Variants in PPFIA3 observed in about 807,000 individuals in gnomAD.
PPFIA3 encodes PPFI scaffold protein A3.
A neutral mutation model predicts 145.8 loss-of-function variants in PPFIA3; 26 were observed. That is an observed-to-expected ratio of 0.18 (90% CI 0.13 to 0.25). The LOEUF (loss-of-function observed/expected upper bound fraction) is 0.25, where lower values mean the gene tolerates loss of function less well. Ranked by LOEUF, PPFIA3 falls within the 10% of genes least tolerant of loss-of-function variation. PPFIA3 has a pLI of 1.00. For synonymous variants in PPFIA3, 645 were observed against 661.4 expected (o/e 0.98, Z 0.38); for missense variants, 1,008 against 1,587.8 (o/e 0.63, Z 6.21).
At chr19:49,125,388 T>G (rs553869690) in intron 1 of PPFIA3, 2 of 152,372 alleles carry the variant, frequency 1.3e-5, no homozygotes, top group Non-Finnish European at 2.9e-5. Flanking sequence ...AAGAAGGAAC[T>G]GAGTGAAAGT....
In PPFIA3 at chr19:49,130,557, G is replaced by A. The variant is rs1440915331; in HGVS notation, c.837G>A (p.Lys279=). The change falls in exon 7 of 30, where the codon AAG becomes AAA. Residue 279 remains lysine (K), a synonymous_variant. Coordinates refer to ENST00000334186, the MANE Select transcript of PPFIA3 (RefSeq NM_003660.4). The surrounding 1 kb of genome is among the most constrained non-coding windows in gnomAD (Gnocchi z 4.5). The stretch of plus-strand genomic sequence containing the variant: ...GCACCGCGCACCGTGAGCTGGGCAA[G>A]GCAGAGGAAGCCAACTCCAAGCTGC... The part of the protein sequence containing the change: ...ELGTAHRELG[K]AEEANSKLQR... 3 of 1,568,890 alleles carry A rather than the reference G, an allele frequency of 1.9e-6. No individual in the cohort carries two copies. In the East Asian group the frequency reaches 7.0e-5, roughly 37 times the overall value.
rs1341891004 is a variant in PPFIA3, at chr19:49,128,770, C to T, written c.343-78C>T. 5 of 1,363,648 alleles carry T rather than the reference C, an allele frequency of 3.7e-6. No individual in the cohort carries two copies. The Admixed American group carries it at 1.1e-4, about 30-fold the overall frequency. The allele number at this position is 1,363,648 out of a possible 1,614,324, so 84.5% of individuals were successfully genotyped here. A position where few individuals can be genotyped will look rare whatever the true frequency, so the allele number is the denominator to read the frequency against. The stretch of plus-strand genomic sequence containing the variant: ...TCCATCTTTTCCTCCATGTGTCCGC[C>T]CTACCTGTCACCCTTTTTCTCACAT... On this transcript the variant is annotated intron_variant, in intron 3 of 29. Coordinates refer to ENST00000334186, the MANE Select transcript of PPFIA3 (RefSeq NM_003660.4). This position sits in a 1 kb window ranked among gnomAD's most constrained non-coding sequence, Gnocchi z 4.1.
chr19:49,139,704 G>A lies in PPFIA3; in HGVS notation c.2113G>A (p.Gly705Arg). Residue 705 changes from glycine (G) to arginine (R), a missense_variant, in exon 17 of 30, where the codon GGG becomes AGG. Around this residue, in one of 11 missense-constraint regions of PPFIA3, gnomAD observed 202 missense variants for 241.8 expected, o/e 0.84. Coordinates refer to ENST00000334186, the MANE Select transcript of PPFIA3 (RefSeq NM_003660.4). ...VPKEEAGAPR[G>R]EGPAIPGDTP... is the part of the protein sequence containing the mutation. Reference sequence around the variant, plus strand: ...TAAGGAGGAAGCTGGAGCTCCACGAGGGGAGGGGCCGGCCATCCCAGGAGA... The same window carrying A: ...TAAGGAGGAAGCTGGAGCTCCACGAAGGGAGGGGCCGGCCATCCCAGGAGA... The A allele has an allele frequency of 1.9e-6, 3 of 1,611,322 alleles. No individual in the cohort carries two copies. The highest frequency in any genetic ancestry group is 2.7e-5 in the African/African-American group (2 of 74,904).
rs776183685 is a variant in PPFIA3 at position 49,136,754 on chromosome 19, A to G, written c.1696A>G (p.Ile566Val). Residue 566 changes from isoleucine to valine, a missense_variant, in exon 15 of 30, where the codon ATA (isoleucine) becomes GTA (valine). Physicochemically the swap from Ile to Val is conservative, Grantham distance 29 (BLOSUM62 3). Around this residue, in one of 11 missense-constraint regions of PPFIA3, gnomAD observed 121 missense variants for 138.2 expected, o/e 0.88. Coordinates refer to ENST00000334186, the MANE Select transcript of PPFIA3 (RefSeq NM_003660.4). ...GGAGCGGTCTGCCCCTGCGGGCTCC[A>G]TACCACCCCCATTCCCTGGGGAACT... ...DWERSAPAGS[I>V]PPPFPGELDG... 1.3e-6 allele frequency: 2 copies of G among 1,571,854 alleles called. No individual in the cohort carries two copies. The highest frequency in any genetic ancestry group is 4.6e-5 in the East Asian group (2 of 43,786).
intron 13 of PPFIA3, 60 bp from the exon 14 acceptor site, chr19:49,135,719 C>A (rs1178218126): frequency 3.3e-6 from 5 of 1,526,618 alleles, no homozygotes; most frequent in Middle Eastern, 1.7e-4. Context: ...CTCTGTGACC[C>A]TTACCTCTGT....
At chr19:49,129,595 TG>T in intron 5 of PPFIA3, 141 bp downstream of exon 5, 1 of 898,294 alleles carries the variant, frequency 1.1e-6, no homozygotes, top group Non-Finnish European at 1.7e-6. Flanking sequence ...GGTTGGACTA[TG>T]GAGAGAAACC....
rs1422504678 is a variant in PPFIA3 at position 49,128,408 on chromosome 19, G to A, written c.282G>A (p.Glu94=). Residue 94 remains glutamate, a synonymous_variant, in exon 3 of 30, where the codon GAG becomes GAA. Transcript: ENST00000334186. This position sits in a 1 kb window ranked among gnomAD's most constrained non-coding sequence, Gnocchi z 4.1. The part of the protein sequence containing the change: ...ALTKELNLCR[E]QLLEREEEIA... ...CGAAGGAGCTGAACTTATGTCGGGA[G>A]CAGCTGCTGGAGAGGGAGGAAGAGA... 3 of 1,613,604 alleles carry A rather than the reference G, an allele frequency of 1.9e-6. No individual in the cohort carries two copies. The highest frequency in any genetic ancestry group is 2.5e-6 in the Non-Finnish European group (3 of 1,179,860).
chr19:49,143,435 C>T (rs1480679292), intron 21 of PPFIA3, among the ~76,000 whole-genome samples: 3 of 152,124 alleles, frequency 2.0e-5, no homozygotes, highest in African/African-American at 4.8e-5. Flanking sequence ...TGCAATGGCG[C>T]TATCTCCGCT....
chr19:49,149,695 C>T lies in PPFIA3; in HGVS notation c.3503C>T (p.Pro1168Leu), dbSNP rs2041322879. The change falls in exon 28 of 30, where the codon CCT becomes CTT. Residue 1168 changes from proline (P) to leucine (L), a missense_variant. Coordinates refer to ENST00000334186, the MANE Select transcript of PPFIA3 (RefSeq NM_003660.4). This position sits in a 1 kb window ranked among gnomAD's most constrained non-coding sequence, Gnocchi z 5.7. ...GGAGCCCTGGGCTCTCCGGGGCTCC[C>T]TCTCCGCAAGCTGCAGCCAGAAGGT... ...AAGALGSPGL[P>L]LRKLQPEGQT... 1 of 1,612,096 alleles carries T rather than the reference C, an allele frequency of 6.2e-7. No homozygotes were observed. The highest frequency in any genetic ancestry group is 8.5e-7 in the Non-Finnish European group (1 of 1,179,092).
chr19:49,129,464 T>TGGCCAA lies in PPFIA3; in HGVS notation c.582+12_582+17dup. ...ACTGAGCAATCAGGAGGTGTGGGTGTGGCCAAGACAGGGAATTTGAATCCA... is the reference window on the plus strand; with the variant it reads ...ACTGAGCAATCAGGAGGTGTGGGTGTGGCCAAGGCCAAGACAGGGAATTTGAATCCA... On this transcript the variant is annotated intron_variant, in intron 5 of 29. Coordinates refer to ENST00000334186, the MANE Select transcript of PPFIA3 (RefSeq NM_003660.4). 1 of 1,552,242 alleles carries TGGCCAA rather than the reference T, an allele frequency of 6.4e-7. No individual in the cohort carries two copies. Among genetic ancestry groups the TGGCCAA allele is most frequent in the South Asian group, 1.2e-5 (1 of 84,104 alleles).
At position 49,149,414 on chromosome 19, in the gene PPFIA3, A is replaced by G; in HGVS notation, c.3354+89A>G. 3 of 1,590,252 alleles carry G rather than the reference A, an allele frequency of 1.9e-6. No individual in the cohort carries two copies. The South Asian group carries it at 3.3e-5, about 18-fold the overall frequency. ...GGGCGGGGCCTGACTATTAATGGTC[A>G]CGGTTGGAGGCGGGGCCAGGAGAGG... On this transcript the variant is annotated intron_variant, in intron 27 of 29. Transcript: ENST00000334186. This position sits in a 1 kb window ranked among gnomAD's most constrained non-coding sequence, Gnocchi z 5.7.
intron 21 of PPFIA3, 86 bp downstream of exon 21, chr19:49,143,090 C>G (rs2041242517): frequency 1.4e-6 from 2 of 1,420,670 alleles, no homozygotes; most frequent in Non-Finnish European, 1.9e-6. Context: ...GGCCTGCTCA[C>G]TCCCCTGTCC....
At position 49,133,128 on chromosome 19, in the gene PPFIA3, A is replaced by T; in HGVS notation, c.1007A>T (p.Lys336Met). 2 of 1,607,836 alleles carry T rather than the reference A, an allele frequency of 1.2e-6. No homozygotes were observed. Among genetic ancestry groups the T allele is most frequent in the African/African-American group, 1.3e-5 (1 of 74,870 alleles). ...NDKLENELAS[K>M]ESLYRQSEEK... ...AAACTGGAGAACGAGTTAGCTAGCA[A>T]GGAGTCGTTGTATCGGCAGGTGGGG... Residue 336 changes from lysine to methionine, a missense_variant, in exon 8 of 30, where the codon AAG becomes ATG. Lys to Met is a moderately conservative substitution (Grantham distance 95). Transcript: ENST00000334186. This position sits in a 1 kb window ranked among gnomAD's most constrained non-coding sequence, Gnocchi z 7.2.
chr19:49,134,053 T>G lies in PPFIA3; in HGVS notation c.1265T>G (p.Met422Arg). 6.2e-7 allele frequency: 1 copy of G among 1,613,420 alleles called. No homozygotes were observed. The highest frequency in any genetic ancestry group is 8.5e-7 in the Non-Finnish European group (1 of 1,179,732). ...ELQRARQREK[M>R]NDDHNKRLSE... ...GCGCAGGCCCGGCAGCGGGAGAAGA[T>G]GAACGATGACCACAATAAGCGGCTG... Residue 422 changes from methionine (M) to arginine (R), a missense_variant, in exon 11 of 30, where the codon ATG becomes AGG. Coordinates refer to ENST00000334186, the MANE Select transcript of PPFIA3 (RefSeq NM_003660.4).
chr19:49,128,648 T>C lies in PPFIA3; in HGVS notation c.342+180T>C, dbSNP rs1376685151. On this transcript the variant is annotated intron_variant, in intron 3 of 29. Transcript: ENST00000334186. This position sits in a 1 kb window ranked among gnomAD's most constrained non-coding sequence, Gnocchi z 4.1. ...CTCCCACTCTGGTGCCACTCCTTCC[T>C]CCCTGTCTCCATAACTTTTCTCTTT... 2.7e-5 allele frequency: 20 copies of C among 740,442 alleles called. No homozygotes were observed. Among genetic ancestry groups the C allele is most frequent in the Non-Finnish European group, 4.1e-5 (19 of 457,910 alleles). 45.9% of individuals were successfully genotyped at this position (740,442 alleles called of 1,614,324 possible). A position where few individuals can be genotyped will look rare whatever the true frequency, so the allele number is the denominator to read the frequency against.
chr19:49,138,256 G>C lies in PPFIA3; in HGVS notation c.1905G>C (p.Glu635Asp). Residue 635 changes from glutamate to aspartate, a missense_variant, in exon 16 of 30, where the codon GAG becomes GAC. Glu to Asp is a conservative substitution (Grantham distance 45). Around this residue, in one of 11 missense-constraint regions of PPFIA3, gnomAD observed 202 missense variants for 241.8 expected, o/e 0.84. Coordinates refer to ENST00000334186, the MANE Select transcript of PPFIA3 (RefSeq NM_003660.4). The stretch of plus-strand genomic sequence containing the variant: ...CAGAACAGAGGGCAGAGGAGCTGGA[G>C]AGTCGGGTGTCCAGCTCTGGCTTGG... ...ETTEQRAEEL[E>D]SRVSSSGLDS... is the part of the protein sequence containing the mutation. 6.2e-7 allele frequency: 1 copy of C among 1,613,162 alleles called. No homozygotes were observed. The highest frequency in any genetic ancestry group is 8.5e-7 in the Non-Finnish European group (1 of 1,179,298).
At position 49,139,926 on chromosome 19, in the gene PPFIA3, C is replaced by T. The variant is rs1451781023; in HGVS notation, c.2241-35C>T. The T allele has an allele frequency of 6.2e-7, 1 of 1,613,888 alleles. No homozygotes were observed. Among genetic ancestry groups the T allele is most frequent in the South Asian group, 1.1e-5 (1 of 91,074 alleles). On this transcript the variant is annotated intron_variant, in intron 17 of 29. Transcript: ENST00000334186. Reference sequence around the variant, plus strand: ...CTTGGGAGGAGAGGGGGCATCTCAGCAAGCATATGCTCTCATTCTCTCCTG... The same window carrying T: ...CTTGGGAGGAGAGGGGGCATCTCAGTAAGCATATGCTCTCATTCTCTCCTG...
intron 16 of PPFIA3, among the ~76,000 whole-genome samples, chr19:49,138,794 A>G (rs948145829): frequency 1.3e-5 from 2 of 151,712 alleles, no homozygotes; most frequent in Non-Finnish European, 2.9e-5. Flanking sequence ...ACATGGTGAA[A>G]CCCCCACCTC....
Position 49,141,475 on chromosome 19 carries a change from G to A in PPFIA3, c.2424G>A (p.Leu808=). 1 of 1,614,108 alleles carries A rather than the reference G, an allele frequency of 6.2e-7. No individual in the cohort carries two copies. The highest frequency in any genetic ancestry group is 8.5e-7 in the Non-Finnish European group (1 of 1,180,016). Reference sequence around the variant, plus strand: ...CTGACCCTCTGGGGCTAGCCAAGCTGACAGGCCCAGGAGACAAGGACCGAA... The same window carrying A: ...CTGACCCTCTGGGGCTAGCCAAGCTAACAGGCCCAGGAGACAAGGACCGAA... ...LATDPLGLAK[L]TGPGDKDRRN... The change falls in exon 19 of 30, where the codon CTG becomes CTA. Residue 808 remains leucine (L), a synonymous_variant. Transcript: ENST00000334186.
Sources: gnomAD v4.1 joint callset for allele counts (sites outside exome capture counted in the v4.1 genomes callset) on GRCh38, gnomAD v4.1.1 for gene constraint, gnomAD v4.1.1 regional missense constraint, Gnocchi (gnomAD v3.1) non-coding constraint, MANE v1.5 for transcripts, NCBI Gene and HGNC (gene_info 2026-07-23, HGNC 2026-07-21) for gene names.